PTPRD: variants seen among roughly 807,000 people sequenced by gnomAD.
PTPRD encodes protein tyrosine phosphatase receptor type D.
Under a neutral mutation model 214.5 loss-of-function variants are expected in PTPRD, and 34 were observed. The observed-to-expected ratio is 0.16, with a 90% CI of 0.12 to 0.21. The LOEUF is 0.21. Among genes scored for constraint, PTPRD ranks in the 10% least tolerant of loss-of-function variants. The pLI is 1.00. For missense variants in PTPRD, 2,545 were observed against 2,398.7 expected, an observed-to-expected ratio of 1.06 and a Z score of -1.27; for synonymous variants, 1,128 against 845.7, an observed-to-expected ratio of 1.33 and a Z score of -5.79.
At chr9:9,292,135 T>C (rs1325871617) in intron 9 of PTPRD, among the ~76,000 whole-genome samples, 1 of 151,226 alleles carries the variant, frequency 6.6e-6, no homozygotes, top group African/African-American at 2.4e-5. Context: ...CATGGAAGGA[T>C]CCTGAAAACG....
intron 11 of PTPRD, among the ~76,000 whole-genome samples, chr9:8,759,995 G>A (rs1006363529): frequency 1.3e-5 from 2 of 152,130 alleles, no homozygotes; most frequent in African/African-American, 2.4e-5. Context: ...CTACTAATCA[G>A]GAGAAGATTA....
At chr9:9,953,413 TC>T (rs1402135482) in intron 4 of PTPRD, among the ~76,000 whole-genome samples, 1 of 151,472 alleles carries the variant, frequency 6.6e-6, no homozygotes, top group Non-Finnish European at 1.5e-5. Flanking sequence ...ACTATAGAAT[TC>T]AACCATGTAA....
chr9:10,251,858 G>A (rs1311369625), intron 3 of PTPRD, among the ~76,000 whole-genome samples: 1 of 152,142 alleles, frequency 6.6e-6, no homozygotes, highest in Non-Finnish European at 1.5e-5. Flanking sequence ...CTGAGAGGGT[G>A]GGTTAGGGAA....
At chr9:8,663,215 G>C (rs974044709) in intron 12 of PTPRD, among the ~76,000 whole-genome samples, 1 of 149,954 alleles carries the variant, frequency 6.7e-6, no homozygotes, top group African/African-American at 2.5e-5. Context: ...AAACATGTTT[G>C]AGGAATGGAA....
chr9:10,196,379 T>C lies in PTPRD; in HGVS notation c.-545+144584A>G, dbSNP rs183820532. ...ATATATGTAAAGTGCTTTGAAAACA[T>C]CTGGCACAAATTAAGTGCCAGAAGT... On this transcript the variant is annotated intron_variant, in intron 3 of 45. Transcript: ENST00000381196. Among the ~76,000 whole-genome samples, 6 of 152,282 alleles carry C rather than the reference T, an allele frequency of 3.9e-5. No homozygotes were observed. In the East Asian group the frequency reaches 9.6e-4, roughly 24 times the overall value.
At chr9:10,589,370 G>A (rs1274305748) in intron 2 of PTPRD, among the ~76,000 whole-genome samples, 1 of 151,974 alleles carries the variant, frequency 6.6e-6, no homozygotes, top group African/African-American at 2.4e-5. Flanking sequence ...AATTATCAGT[G>A]AAGTGTGGGA....
At chr9:10,320,851 C>G (rs1200306291) in intron 3 of PTPRD, among the ~76,000 whole-genome samples, 3 of 151,946 alleles carry the variant, frequency 2.0e-5, no homozygotes, top group Non-Finnish European at 4.4e-5. Flanking sequence ...TCTTAGCCTC[C>G]CGAGTAGCTG....
intron 9 of PTPRD, among the ~76,000 whole-genome samples, chr9:9,305,266 TG>T (rs1210185822): frequency 6.6e-5 from 10 of 152,038 alleles, no homozygotes; most frequent in Non-Finnish European, 1.2e-4. Context: ...TTACTTTTTT[TG>T]TTCTTTAACA....
At chr9:9,464,286 C>T (rs903612152) in intron 8 of PTPRD, among the ~76,000 whole-genome samples, 2 of 152,050 alleles carry the variant, frequency 1.3e-5, no homozygotes, top group Non-Finnish European at 2.9e-5. Flanking sequence ...CCTTTTCTCC[C>T]TCTCACCCTC....
intron 11 of PTPRD, among the ~76,000 whole-genome samples, chr9:8,946,505 T>A (rs1376376869): frequency 6.6e-6 from 1 of 152,252 alleles, no homozygotes; most frequent in Non-Finnish European, 1.5e-5. Flanking sequence ...TGAAAATCCC[T>A]TATTAGTTAG....
intron 10 of PTPRD, among the ~76,000 whole-genome samples, chr9:9,153,586 T>C (rs1034366804): frequency 4.6e-5 from 7 of 152,232 alleles, no homozygotes; most frequent in African/African-American, 1.7e-4. Context: ...ATTTAACTTA[T>C]TAATGGTAAA....
chr9:9,448,128 C>T (rs1243159036), intron 8 of PTPRD, among the ~76,000 whole-genome samples: 2 of 152,000 alleles, frequency 1.3e-5, no homozygotes, highest in Non-Finnish European at 2.9e-5. Flanking sequence ...GAGCCCCATG[C>T]ATTTAAATCA....
chr9:8,790,956 T>C (rs1157237950), intron 11 of PTPRD, among the ~76,000 whole-genome samples: 1 of 152,170 alleles, frequency 6.6e-6, no homozygotes, highest in African/African-American at 2.4e-5. Flanking sequence ...AAACAGAAGA[T>C]ACAGAACGCT....
chr9:10,065,235 A>G (rs1347716148), intron 3 of PTPRD, among the ~76,000 whole-genome samples: 1 of 147,398 alleles, frequency 6.8e-6, no homozygotes, highest in African/African-American at 2.5e-5. Flanking sequence ...CATTTCCAGT[A>G]CATGTATTTA....
intron 3 of PTPRD, among the ~76,000 whole-genome samples, chr9:10,278,046 G>C (rs992037874): frequency 5.3e-5 from 8 of 152,052 alleles, no homozygotes; most frequent in Admixed American, 3.9e-4. Flanking sequence ...TGTAGTCCCA[G>C]CTACTCGGGA....
intron 14 of PTPRD, among the ~76,000 whole-genome samples, chr9:8,542,378 G>C (rs1469733987): frequency 6.6e-6 from 1 of 152,164 alleles, no homozygotes; most frequent in Non-Finnish European, 1.5e-5. Flanking sequence ...CCTGTGGCAA[G>C]ATAAACTTAC....
At position 10,394,510 on chromosome 9, in the gene PTPRD, T is replaced by G. The variant is rs1422382232; in HGVS notation, c.-599-53493A>C. ...AACCTTTTTCATCAATAATAATAAT[T>G]GCTACATAAACTAAGTTGGAATGTA... is the stretch of plus-strand genomic sequence containing the variant. On this transcript the variant is annotated intron_variant, in intron 2 of 45. Transcript: ENST00000381196. Among the ~76,000 whole-genome samples the G allele has an allele frequency of 2.0e-5, 3 of 151,760 alleles. No homozygotes were observed. The Admixed American group carries it at 2.0e-4, about 10-fold the overall frequency.
chr9:8,641,629 A>G (rs2096578665), intron 12 of PTPRD, among the ~76,000 whole-genome samples: 1 of 151,956 alleles, frequency 6.6e-6, no homozygotes, highest in Non-Finnish European at 1.5e-5. Flanking sequence ...CCGATATTCT[A>G]GAATGTGTCT....
intron 8 of PTPRD, among the ~76,000 whole-genome samples, chr9:9,468,925 A>G (rs1170979179): frequency 6.6e-6 from 1 of 152,096 alleles, no homozygotes. Flanking sequence ...TGTAGAGTAA[A>G]ATATCTCCAT....
Sources: gnomAD v4.1 joint callset for allele counts (sites outside exome capture counted in the v4.1 genomes callset) on GRCh38, gnomAD v4.1.1 for gene constraint, MANE v1.5 for transcripts, NCBI Gene and HGNC (gene_info 2026-07-23, HGNC 2026-07-21) for gene names.